Variants in PCDHA4 observed in about 807,000 individuals in gnomAD.
The protein encoded by PCDHA4 is protocadherin alpha-4.
In PCDHA4, 49 loss-of-function variants were observed where a neutral mutation model predicts 61.4. The ratio of observed to expected loss-of-function variants is 0.80; its 90% confidence interval spans 0.63 to 1.01. The LOEUF (loss-of-function observed/expected upper bound fraction) is 1.01, where lower values mean the gene tolerates loss of function less well. Among genes scored for constraint, PCDHA4 ranks in the 50% least tolerant of loss-of-function variants. The pLI is 0.00. For synonymous variants in PCDHA4, 590 were observed against 550.3 expected (o/e 1.07, Z -1.01); for missense variants, 1,254 against 1,235.8 (o/e 1.01, Z -0.22).
intron 1 of PCDHA4, chr5:140,877,379 TC>T (rs1169435329): frequency 1.9e-6 from 3 of 1,613,950 alleles, no homozygotes. Flanking sequence ...ACGACACGCA[TC>T]CTGGATGAGG....
intron 1 of PCDHA4, chr5:140,829,205 A>C (rs2150163875): frequency 6.2e-7 from 1 of 1,614,212 alleles, no homozygotes; most frequent in Non-Finnish European, 8.5e-7. Flanking sequence ...CATCGCCCTA[A>C]TTAGCGTGAA....
At chr5:140,910,699 C>T (rs2075133738) in intron 1 of PCDHA4, among the ~76,000 whole-genome samples, 1 of 152,180 alleles carries the variant, frequency 6.6e-6, no homozygotes. Flanking sequence ...AGCTTGCTCA[C>T]AGTGGGCCAT....
At chr5:140,866,703 G>T (rs553518884) in intron 1 of PCDHA4, 45 of 152,224 alleles carry the variant, frequency 3.0e-4, no homozygotes, top group African/African-American at 1.1e-3. Context: ...AGTGGATGAC[G>T]TGCACTAGTA....
chr5:141,010,282 A>C lies in PCDHA4; in HGVS notation c.*345A>C, dbSNP rs375556483. The C allele has an allele frequency of 6.4e-7, 1 of 1,551,130 alleles. No homozygotes were observed. Among genetic ancestry groups the C allele is most frequent in the Admixed American group, 2.0e-5 (1 of 50,878 alleles). On this transcript the variant is annotated 3_prime_UTR_variant, in exon 4 of 4. Transcript: ENST00000530339. ...GTGCTCCGGGGATCCTGTCTTGATGACACTTGCAGGGCAGGCTGAAAAGTT... is the reference window on the plus strand; with the variant it reads ...GTGCTCCGGGGATCCTGTCTTGATGCCACTTGCAGGGCAGGCTGAAAAGTT...
chr5:140,890,594 T>A (rs1439050160), intron 1 of PCDHA4, among the ~76,000 whole-genome samples: 1 of 152,150 alleles, frequency 6.6e-6, no homozygotes, highest in East Asian at 1.9e-4. Context: ...GAAGCCCTTT[T>A]CCGAATAGCT....
intron 1 of PCDHA4, among the ~76,000 whole-genome samples, chr5:140,901,260 T>C (rs1554189701): frequency 6.6e-6 from 1 of 152,308 alleles, no homozygotes; most frequent in East Asian, 1.9e-4. Flanking sequence ...CCTGTGATTG[T>C]GGGGTATTAC....
chr5:140,875,591 A>C, intron 1 of PCDHA4: 2 of 1,613,998 alleles, frequency 1.2e-6, no homozygotes, highest in Non-Finnish European at 1.7e-6. Context: ...GAGGAGGCCA[A>C]ACACGGCACC....
At position 140,809,153 on chromosome 5, in the gene PCDHA4, G is replaced by C. The variant is rs558715293; in HGVS notation, c.1966G>C (p.Glu656Gln). The change falls in exon 1 of 4, where the codon GAG (glutamate) becomes CAG (glutamine). Residue 656 changes from glutamate to glutamine, a missense_variant. Coordinates refer to ENST00000530339, the MANE Select transcript of PCDHA4 (RefSeq NM_018907.4). ...ACTGGTACTGGTGAAGGACCACGGC[G>C]AGCCCGCGCTGACGGCCACGGCCAC... ...RLLVLVKDHGEPALTATATVL... is the reference protein window; with the variant it reads ...RLLVLVKDHGQPALTATATVL... 53 of 1,613,934 alleles carry C rather than the reference G, an allele frequency of 3.3e-5. No individual in the cohort carries two copies. The East Asian group carries it at 4.2e-4, about 13-fold the overall frequency.
At position 140,836,014 on chromosome 5, in the gene PCDHA4, C is replaced by T. The variant is rs1554135544; in HGVS notation, c.2385+26442C>T. The T allele has an allele frequency of 4.3e-6, 7 of 1,613,364 alleles. No individual in the cohort carries two copies. In the Admixed American group the frequency reaches 8.3e-5, roughly 19 times the overall value. On this transcript the variant is annotated intron_variant, in intron 1 of 3. Transcript: ENST00000530339. ...AGCGCGCGCGATGCGGGCGTGCCGC[C>T]TCTGGGCAGCAACGTGACGCTGCAG...
At chr5:140,972,005 C>T (rs1236779874) in intron 1 of PCDHA4, among the ~76,000 whole-genome samples, 1 of 151,980 alleles carries the variant, frequency 6.6e-6, no homozygotes, top group Admixed American at 6.6e-5. Flanking sequence ...GTTTATATTC[C>T]CTTTTATATG....
At chr5:140,930,644 A>G (rs1346561903) in intron 1 of PCDHA4, among the ~76,000 whole-genome samples, 1 of 152,198 alleles carries the variant, frequency 6.6e-6, no homozygotes, top group East Asian at 1.9e-4. Context: ...AGGAAGGAAA[A>G]TGAAGCATTC....
chr5:140,977,864 GGTAAGTATAAT>G (rs1175044090), intron 1 of PCDHA4, among the ~76,000 whole-genome samples: 1 of 152,140 alleles, frequency 6.6e-6, no homozygotes, highest in Non-Finnish European at 1.5e-5. Context: ...TACCAAATAT[GGTAAGTATAAT>G]GTAGAGGAAA....
chr5:140,950,723 A>AT (rs1196047674), intron 1 of PCDHA4, among the ~76,000 whole-genome samples: 72 of 152,102 alleles, frequency 4.7e-4, no homozygotes, highest in African/African-American at 1.6e-3. Flanking sequence ...ATATCCTTAA[A>AT]TTTTTTAATC....
chr5:140,870,708 C>T (rs781841032), intron 1 of PCDHA4: 4 of 1,612,898 alleles, frequency 2.5e-6, no homozygotes, highest in Admixed American at 1.7e-5. Context: ...TCCAGGTGAG[C>T]GCGCGCGATG....
Position 140,808,212 on chromosome 5 carries a change from A to T in PCDHA4, c.1025A>T (p.Asp342Val), listed in dbSNP as rs1764119362. The change falls in exon 1 of 4, where the codon GAC becomes GTC. Residue 342 changes from aspartate to valine, a missense_variant. Coordinates refer to ENST00000530339, the MANE Select transcript of PCDHA4 (RefSeq NM_018907.4). ...GHCRVIVEVE[D>V]NNDNVPDLEF... ...TGTAGAGTTATTGTGGAAGTAGAAG[A>T]CAACAACGATAATGTCCCAGATTTG... is the stretch of plus-strand genomic sequence containing the variant. 1 of 1,614,118 alleles carries T rather than the reference A, an allele frequency of 6.2e-7. No homozygotes were observed. Among genetic ancestry groups the T allele is most frequent in the South Asian group, 1.1e-5 (1 of 91,096 alleles).
chr5:140,992,698 A>G (rs764226558), intron 3 of PCDHA4, among the ~76,000 whole-genome samples: 4 of 152,094 alleles, frequency 2.6e-5, no homozygotes, highest in Non-Finnish European at 4.4e-5. Flanking sequence ...GGGGTGGGTA[A>G]TGTTCCTGCC....
chr5:140,807,605 C>T lies in PCDHA4; in HGVS notation c.418C>T (p.Leu140=). 1 of 1,614,208 alleles carries T rather than the reference C, an allele frequency of 6.2e-7. No individual in the cohort carries two copies. The highest frequency in any genetic ancestry group is 8.5e-7 in the Non-Finnish European group (1 of 1,180,042). The stretch of plus-strand genomic sequence containing the variant: ...GGTGTTCCCAGCAACACAAAAGAAC[C>T]TGTCCATCGCGGAATCCAGGCCGCT... ...PPVFPATQKN[L]SIAESRPLDS... is the part of the protein sequence containing the mutation. The change falls in exon 1 of 4, where the codon CTG becomes TTG. Residue 140 remains leucine (L), a synonymous_variant. Transcript: ENST00000530339.
intron 1 of PCDHA4, among the ~76,000 whole-genome samples, chr5:140,840,629 G>C (rs190376919): frequency 6.6e-6 from 1 of 152,022 alleles, no homozygotes; most frequent in South Asian, 2.1e-4. Flanking sequence ...ACAAGCTATA[G>C]AGATATAGAG....
At chr5:140,945,440 T>C (rs932464631) in intron 1 of PCDHA4, among the ~76,000 whole-genome samples, 1 of 151,948 alleles carries the variant, frequency 6.6e-6, no homozygotes, top group African/African-American at 2.4e-5. Context: ...TACAGAAATA[T>C]AAAAAACTTC....
Sources: allele counts gnomAD v4.1 joint callset (sites outside exome capture counted in the v4.1 genomes callset), GRCh38; gene constraint gnomAD v4.1.1; transcripts MANE v1.5; gene names NCBI Gene and HGNC (gene_info 2026-07-23, HGNC 2026-07-21).